Variants in CASP14 observed in about 807,000 individuals in gnomAD.
The protein encoded by CASP14 is caspase-14.
In CASP14, 27 loss-of-function variants were observed where a neutral mutation model predicts 28.4. The ratio of observed to expected loss-of-function variants is 0.95; its 90% CI spans 0.70 to 1.31. CASP14 has a LOEUF of 1.31. Ranked by LOEUF, CASP14 falls within the 50% of genes most tolerant of loss-of-function variation. CASP14 has a pLI of 0.00. For synonymous variants in CASP14, 115 were observed against 118.6 expected, an observed-to-expected ratio of 0.97 and a Z score of 0.20; for missense variants, 323 against 312.8, an observed-to-expected ratio of 1.03 and a Z score of -0.25.
At position 15,057,200 on chromosome 19, in the gene CASP14, T is replaced by A. The variant is rs1297925303; in HGVS notation, c.*1111T>A. 2 of 152,176 alleles carry A rather than the reference T, an allele frequency of 1.3e-5. No homozygotes were observed. Among genetic ancestry groups the A allele is most frequent in the African/African-American group, 4.8e-5 (2 of 41,418 alleles). The allele number at this position is 152,176 out of a possible 1,614,324, so 9.4% of individuals were successfully genotyped here. A position where few individuals can be genotyped will look rare whatever the true frequency, so the allele number is the denominator to read the frequency against. ...TCTCTCCATCCCCAGCTTTGACCTT[T>A]CCTGCTCAAGTAACCTACGGGCACA... is the stretch of plus-strand genomic sequence containing the variant. On this transcript the variant is annotated 3_prime_UTR_variant, in exon 7 of 7. Transcript: ENST00000427043.
Position 15,055,179 on chromosome 19 carries a change from C to T in CASP14, c.425C>T (p.Thr142Ile). ...TCAGAACAAAGGGACCCCGGTGAAACAGTAGGTGGAGATGAGATTGTGATG... is the reference window on the plus strand; with the variant it reads ...TCAGAACAAAGGGACCCCGGTGAAATAGTAGGTGGAGATGAGATTGTGATG... ...CRGEQRDPGE[T>I]VGGDEIVMVI... is the part of the protein sequence containing the mutation. The change falls in exon 5 of 7, where the codon ACA (threonine) becomes ATA (isoleucine). Residue 142 changes from threonine (T) to isoleucine (I), a missense_variant. Transcript: ENST00000427043. 1 of 1,614,052 alleles carries T rather than the reference C, an allele frequency of 6.2e-7. No individual in the cohort carries two copies. The highest frequency in any genetic ancestry group is 8.5e-7 in the Non-Finnish European group (1 of 1,179,962).
chr19:15,050,289 A>G (rs1168381484), intron 1 of CASP14, among the ~76,000 whole-genome samples: 3 of 144,674 alleles, frequency 2.1e-5, no homozygotes, highest in Non-Finnish European at 3.0e-5. Context: ...TCGTCACAGC[A>G]CTTGCTGTGT....
chr19:15,055,945 G>A (rs2046115129), intron 6 of CASP14, 40 bp from the exon 7 acceptor site: 4 of 1,528,266 alleles, frequency 2.6e-6, no homozygotes, highest in Admixed American at 3.7e-5. Context: ...ATAAGTCCAT[G>A]ACACTGACTC....
chr19:15,055,499 A>G lies in CASP14; in HGVS notation c.590A>G (p.Lys197Arg). ...FIQTLVDVFT[K>R]RKGHILELLT... ...CAGACCCTGGTGGATGTGTTCACGA[A>G]GAGGAAAGGACATATCTTGGAACTT... is the stretch of plus-strand genomic sequence containing the variant. The change falls in exon 6 of 7, where the codon AAG (lysine) becomes AGG (arginine). Residue 197 changes from lysine to arginine, a missense_variant. Physicochemically the swap from Lys to Arg is conservative, Grantham distance 26. Coordinates refer to ENST00000427043, the MANE Select transcript of CASP14 (RefSeq NM_012114.3). 6.2e-7 allele frequency: 1 copy of G among 1,614,118 alleles called. No individual in the cohort carries two copies. Among genetic ancestry groups the G allele is most frequent in the Non-Finnish European group, 8.5e-7 (1 of 1,179,966 alleles).
Position 15,056,030 on chromosome 19 carries a change from G to A in CASP14, c.670G>A (p.Ala224Thr). ...AEAELVQEGK[A>T]RKTNPEIQST... ...AGCAGAGCTGGTTCAAGAAGGAAAA[G>A]CAAGGAAAACGAACCCTGAAATCCA... Residue 224 changes from alanine (A) to threonine (T), a missense_variant, in exon 7 of 7, where the codon GCA (alanine) becomes ACA (threonine). Transcript: ENST00000427043. 1 of 1,609,348 alleles carries A rather than the reference G, an allele frequency of 6.2e-7. No homozygotes were observed. Among genetic ancestry groups the A allele is most frequent in the Admixed American group, 1.7e-5 (1 of 59,438 alleles).
At position 15,049,818 on chromosome 19, in the gene CASP14, CCT is replaced by C. The variant is rs563521624; in HGVS notation, c.-47+176_-47+177del. Among the ~76,000 whole-genome samples the C allele has an allele frequency of 1.8e-3, 266 of 151,996 alleles. 2 individuals carry two copies. The highest frequency in any genetic ancestry group is 7.7e-3 in the South Asian group (37 of 4,796). On this transcript the variant is annotated intron_variant, in intron 1 of 6. Transcript: ENST00000427043. Reference sequence around the variant, plus strand: ...GAATGGAAGAAATTTCCATCCATCCCCTCTTTCTTTTCATCTGTTCATTTTTT... The same window carrying C: ...GAATGGAAGAAATTTCCATCCATCCCCTTTCTTTTCATCTGTTCATTTTTT...
At chr19:15,053,678 T>C (rs1398719932) in intron 3 of CASP14, 47 bp downstream of exon 3, 1 of 1,613,696 alleles carries the variant, frequency 6.2e-7, no homozygotes, top group Admixed American at 1.7e-5. Flanking sequence ...AGGTACTAGG[T>C]TGGAAGTGTA....
In CASP14 at chr19:15,056,195, A is replaced by G; in HGVS notation, c.*106A>G. On this transcript the variant is annotated 3_prime_UTR_variant, in exon 7 of 7. Transcript: ENST00000427043. Reference sequence around the variant, plus strand: ...CAAGATCTTCTGTTCCCAAGGCCAAATGGCACCCAGTTTCTTTTCCATCAC... The same window carrying G: ...CAAGATCTTCTGTTCCCAAGGCCAAGTGGCACCCAGTTTCTTTTCCATCAC... 1 of 854,072 alleles carries G rather than the reference A, an allele frequency of 1.2e-6. No homozygotes were observed. The highest frequency in any genetic ancestry group is 1.7e-5 in the African/African-American group (1 of 59,100). The allele number at this position is 854,072 out of a possible 1,614,324, so 52.9% of individuals were successfully genotyped here.
At chr19:15,052,903 G>A (rs541062807) in intron 2 of CASP14, among the ~76,000 whole-genome samples, 1 of 152,132 alleles carries the variant, frequency 6.6e-6, no homozygotes, top group Non-Finnish European at 1.5e-5. Context: ...CCCAGGTTGG[G>A]TTGCTGTATT....
chr19:15,052,168 CT>C, intron 1 of CASP14, 37 bp from the exon 2 acceptor site: 3 of 1,487,784 alleles, frequency 2.0e-6, no homozygotes, highest in Non-Finnish European at 1.8e-6. Flanking sequence ...CTCGGCCTCC[CT>C]TTAGAGAACT....
At chr19:15,052,605 C>T (rs925564878) in intron 2 of CASP14, among the ~76,000 whole-genome samples, 30 of 152,140 alleles carry the variant, frequency 2.0e-4, no homozygotes, top group Admixed American at 1.9e-3. Flanking sequence ...GTGCTCAGTA[C>T]GCTGCTTCTG....
intron 1 of CASP14, among the ~76,000 whole-genome samples, chr19:15,050,617 G>A (rs2046085990): frequency 6.6e-6 from 1 of 151,814 alleles, no homozygotes; most frequent in Admixed American, 6.6e-5. Context: ...TGGAGGGATA[G>A]TTGGAAGATA....
chr19:15,056,263 C>A lies in CASP14; in HGVS notation c.*174C>A. 1.9e-6 allele frequency: 1 copy of A among 536,234 alleles called. No homozygotes were observed. Among genetic ancestry groups the A allele is most frequent in the African/African-American group, 1.9e-5 (1 of 52,104 alleles). The allele number at this position is 536,234 out of a possible 1,614,324, so 33.2% of individuals were successfully genotyped here. A position where few individuals can be genotyped will look rare whatever the true frequency, so the allele number is the denominator to read the frequency against. On this transcript the variant is annotated 3_prime_UTR_variant, in exon 7 of 7. Coordinates refer to ENST00000427043, the MANE Select transcript of CASP14 (RefSeq NM_012114.3). ...TCCTGTCCTTATTAGAGCAAGCCAGCCAAAACTTAGCACAAGGCATGGTGG... is the reference window on the plus strand; with the variant it reads ...TCCTGTCCTTATTAGAGCAAGCCAGACAAAACTTAGCACAAGGCATGGTGG...
intron 4 of CASP14, 75 bp from the exon 5 acceptor site, chr19:15,055,083 G>T: frequency 8.8e-7 from 1 of 1,135,788 alleles, no homozygotes; most frequent in Non-Finnish European, 1.3e-6. Flanking sequence ...GGGAATACAG[G>T]TGTGAGCCAC....
In CASP14 at chr19:15,053,583, T is replaced by C. The variant is rs1042172838; in HGVS notation, c.129T>C (p.Phe43=). The C allele has an allele frequency of 6.2e-7, 1 of 1,614,180 alleles. No homozygotes were observed. Among genetic ancestry groups the C allele is most frequent in the Non-Finnish European group, 8.5e-7 (1 of 1,180,034 alleles). Residue 43 remains phenylalanine, a synonymous_variant, in exon 3 of 7, where the codon TTT becomes TTC. Transcript: ENST00000427043. ...ACCTGGATGCTCTGGAACACATGTTTCGGCAGCTGAGATTCGAAAGCACCA... is the reference window on the plus strand; with the variant it reads ...ACCTGGATGCTCTGGAACACATGTTCCGGCAGCTGAGATTCGAAAGCACCA... The part of the protein sequence containing the change: ...EEDLDALEHM[F]RQLRFESTMK...
At position 15,056,185 on chromosome 19, in the gene CASP14, C is replaced by T. The variant is rs1390988618; in HGVS notation, c.*96C>T. The T allele has an allele frequency of 2.9e-6, 3 of 1,019,222 alleles. No homozygotes were observed. The highest frequency in any genetic ancestry group is 4.2e-5 in the Admixed American group (2 of 47,588). The allele number at this position is 1,019,222 out of a possible 1,614,324, so 63.1% of individuals were successfully genotyped here. A position where few individuals can be genotyped will look rare whatever the true frequency, so the allele number is the denominator to read the frequency against. On this transcript the variant is annotated 3_prime_UTR_variant, in exon 7 of 7. Coordinates refer to ENST00000427043, the MANE Select transcript of CASP14 (RefSeq NM_012114.3). Reference sequence around the variant, plus strand: ...TACCTCTCCCCAAGATCTTCTGTTCCCAAGGCCAAATGGCACCCAGTTTCT... The same window carrying T: ...TACCTCTCCCCAAGATCTTCTGTTCTCAAGGCCAAATGGCACCCAGTTTCT...
intron 4 of CASP14, chr19:15,054,846 G>A (rs1258629465): frequency 4.2e-6 from 1 of 235,654 alleles, no homozygotes; most frequent in African/African-American, 2.2e-5. Flanking sequence ...TGACCATGTT[G>A]GTCAGGCTGG....
intron 1 of CASP14, among the ~76,000 whole-genome samples, chr19:15,051,090 G>A (rs1374565542): frequency 6.6e-6 from 1 of 151,920 alleles, no homozygotes; most frequent in Non-Finnish European, 1.5e-5. Context: ...ATGAATTGAT[G>A]GGTGACTGGA....
At position 15,056,211 on chromosome 19, in the gene CASP14, T is replaced by C; in HGVS notation, c.*122T>C. 1.3e-6 allele frequency: 1 copy of C among 743,454 alleles called. No homozygotes were observed. Among genetic ancestry groups the C allele is most frequent in the Non-Finnish European group, 2.3e-6 (1 of 438,916 alleles). 46.1% of individuals were successfully genotyped at this position (743,454 alleles called of 1,614,324 possible). On this transcript the variant is annotated 3_prime_UTR_variant, in exon 7 of 7. Coordinates refer to ENST00000427043, the MANE Select transcript of CASP14 (RefSeq NM_012114.3). ...CAAGGCCAAATGGCACCCAGTTTCTTTTCCATCACACCCTTCATGCAGGTC... is the reference window on the plus strand; with the variant it reads ...CAAGGCCAAATGGCACCCAGTTTCTCTTCCATCACACCCTTCATGCAGGTC...
Sources: allele counts gnomAD v4.1 joint callset (sites outside exome capture counted in the v4.1 genomes callset), GRCh38; gene constraint gnomAD v4.1.1; transcripts MANE v1.5; gene names NCBI Gene and HGNC (gene_info 2026-07-23, HGNC 2026-07-21).